The following ATP8B1 variants were observed in gnomAD, a reference collection of about 807,000 sequenced individuals.
ATP8B1 encodes phospholipid-transporting ATPase IC.
Under a neutral mutation model 149.9 loss-of-function variants are expected in ATP8B1, and 80 were observed. The observed-to-expected ratio is 0.53, with a 90% CI of 0.45 to 0.64. ATP8B1 has a LOEUF of 0.64. Among genes scored for constraint, ATP8B1 ranks in the 30% least tolerant of loss-of-function variants. The pLI, the probability that ATP8B1 is intolerant of heterozygous loss-of-function variation, is 0.00. For missense variants in ATP8B1, 1,247 were observed against 1,552.6 expected (o/e 0.80, Z 3.31); for synonymous variants, 536 against 562.8 (o/e 0.95, Z 0.67).
intron 13 of ATP8B1, 54 bp from the exon 14 acceptor site, chr18:57,685,169 C>T (rs1912172993): frequency 3.8e-6 from 6 of 1,587,348 alleles, no homozygotes; most frequent in Non-Finnish European, 5.2e-6. Flanking sequence ...TCCAGAGGCC[C>T]CTCCTTACCT....
intron 1 of ATP8B1, among the ~76,000 whole-genome samples, chr18:57,741,848 C>T (rs1427354406): frequency 6.6e-6 from 1 of 152,168 alleles, no homozygotes; most frequent in Non-Finnish European, 1.5e-5. Flanking sequence ...ATGCCACACC[C>T]TGTTTGGAGT....
chr18:57,667,811 T>G (rs1215195268), intron 19 of ATP8B1, among the ~76,000 whole-genome samples: 1 of 152,070 alleles, frequency 6.6e-6, no homozygotes, highest in East Asian at 1.9e-4. Context: ...CCTTTTAAAT[T>G]ACCACCCAAT....
intron 2 of ATP8B1, among the ~76,000 whole-genome samples, chr18:57,720,849 A>G (rs1434502894): frequency 1.3e-5 from 2 of 151,878 alleles, no homozygotes; most frequent in Non-Finnish European, 2.9e-5. Context: ...CCAGAGAGAA[A>G]GGTTGGGTTA....
intron 22 of ATP8B1, among the ~76,000 whole-genome samples, chr18:57,659,385 A>C (rs1910241117): frequency 6.6e-6 from 1 of 152,142 alleles, no homozygotes; most frequent in Non-Finnish European, 1.5e-5. Context: ...AATCCCTCTC[A>C]TTATGTATTG....
chr18:57,673,663 A>G (rs1388333231), intron 16 of ATP8B1, among the ~76,000 whole-genome samples: 1 of 151,436 alleles, frequency 6.6e-6, no homozygotes, highest in Non-Finnish European at 1.5e-5. Flanking sequence ...AATTACATAT[A>G]TATAATTAGA....
chr18:57,792,590 G>A (rs1323828470), intron 1 of ATP8B1, among the ~76,000 whole-genome samples: 4 of 152,152 alleles, frequency 2.6e-5, no homozygotes, highest in Non-Finnish European at 4.4e-5. Flanking sequence ...CAGGGGCTGC[G>A]GGGACAAGGC....
At position 57,782,602 on chromosome 18, in the gene ATP8B1, C is replaced by A. The variant is rs1279366506; in HGVS notation, c.-26+20396G>T. 2.0e-5 allele frequency among the ~76,000 whole-genome samples: 3 copies of A among 152,072 alleles called. No homozygotes were observed. In the East Asian group the frequency reaches 5.8e-4, roughly 29 times the overall value. On this transcript the variant is annotated intron_variant, in intron 1 of 27. Transcript: ENST00000648908. ...GCTTCCCAGGTGAACTTGAGAATCTCATTTATCAAAAAGTCAAGAATGAAT... is the reference window on the plus strand; with the variant it reads ...GCTTCCCAGGTGAACTTGAGAATCTAATTTATCAAAAAGTCAAGAATGAAT...
At chr18:57,661,640 T>C (rs1410119135) in intron 21 of ATP8B1, among the ~76,000 whole-genome samples, 178 bp from the exon 22 acceptor site, 8 of 126,532 alleles carry the variant, frequency 6.3e-5, no homozygotes, top group Non-Finnish European at 8.7e-5. Context: ...TGTATGTATA[T>C]ACACACGCAC....
intron 6 of ATP8B1, among the ~76,000 whole-genome samples, chr18:57,698,209 C>T (rs1912924048): frequency 6.6e-6 from 1 of 152,194 alleles, no homozygotes; most frequent in African/African-American, 2.4e-5. Context: ...TTCTCAGTGA[C>T]CCATCACTTG....
chr18:57,759,216 T>G (rs2080121877), intron 1 of ATP8B1, among the ~76,000 whole-genome samples: 1 of 150,222 alleles, frequency 6.7e-6, no homozygotes, highest in African/African-American at 2.5e-5. Flanking sequence ...CTTGCTTCCC[T>G]TTCTTTCTCT....
chr18:57,772,479 CAG>C (rs1048887460), intron 1 of ATP8B1, among the ~76,000 whole-genome samples: 1 of 152,052 alleles, frequency 6.6e-6, no homozygotes, highest in South Asian at 2.1e-4. Context: ...TGCGGGTAGA[CAG>C]GGGAGGAAGA....
chr18:57,795,237 A>ATT (rs34409401), intron 1 of ATP8B1, among the ~76,000 whole-genome samples: 14 of 148,430 alleles, frequency 9.4e-5, no homozygotes, highest in Non-Finnish European at 1.3e-4. Flanking sequence ...ACACACACAC[A>ATT]TTTTTTTTTT....
Position 57,652,035 on chromosome 18 carries a change from T to G in ATP8B1, c.3399A>C (p.Thr1133=). ...TTTTTGGAATTTGGAAATACCAACCTGTAAATTGAAATGCAGATGGAAAGA... is the reference window on the plus strand; with the variant it reads ...TTTTTGGAATTTGGAAATACCAACCGGTAAATTGAAATGCAGATGGAAAGA... ...HVLFPSAFQF[T]GTASNALRQP... Residue 1133 remains threonine (T), a splice_region_variant and synonymous_variant, in exon 26 of 28, where the codon ACA becomes ACC. Transcript: ENST00000648908. 1 of 1,613,418 alleles carries G rather than the reference T, an allele frequency of 6.2e-7. No homozygotes were observed. Among genetic ancestry groups the G allele is most frequent in the African/African-American group, 1.3e-5 (1 of 75,048 alleles).
intron 1 of ATP8B1, among the ~76,000 whole-genome samples, chr18:57,787,466 G>A (rs1283265716): frequency 1.3e-5 from 2 of 151,976 alleles, no homozygotes; most frequent in Non-Finnish European, 2.9e-5. Context: ...TGCGGGAGGA[G>A]CTCCATCTAG....
chr18:57,665,132 T>C (rs1367734664), intron 20 of ATP8B1, among the ~76,000 whole-genome samples: 1 of 151,666 alleles, frequency 6.6e-6, no homozygotes, highest in Non-Finnish European at 1.5e-5. Context: ...GGAGAATCAC[T>C]GCACTAGAGG....
chr18:57,682,011 T>A (rs1373476255), intron 15 of ATP8B1, among the ~76,000 whole-genome samples: 1 of 150,430 alleles, frequency 6.6e-6, no homozygotes, highest in Non-Finnish European at 1.5e-5. Context: ...TGTGTTATTT[T>A]TTTTTTTTTT....
intron 12 of ATP8B1, among the ~76,000 whole-genome samples, chr18:57,689,720 G>GA (rs1003985410): frequency 2.6e-5 from 4 of 152,094 alleles, no homozygotes; most frequent in South Asian, 2.1e-4. Context: ...GTTCTCTGCA[G>GA]AAAATCAAAG....
intron 24 of ATP8B1, among the ~76,000 whole-genome samples, chr18:57,653,286 T>TC (rs1381056599): frequency 1.8e-4 from 27 of 146,684 alleles, no homozygotes; most frequent in Non-Finnish European, 3.8e-4. Context: ...TCTTTTCTTT[T>TC]TTTTTTTTTT....
chr18:57,789,039 A>G (rs904540097), intron 1 of ATP8B1, among the ~76,000 whole-genome samples: 5 of 152,186 alleles, frequency 3.3e-5, no homozygotes, highest in Admixed American at 3.3e-4. Flanking sequence ...CAAATTACAA[A>G]TGATTTTGTG....
Sources: gnomAD v4.1 joint callset for allele counts (sites outside exome capture counted in the v4.1 genomes callset) on GRCh38, gnomAD v4.1.1 for gene constraint, MANE v1.5 for transcripts, NCBI Gene and HGNC (gene_info 2026-07-23, HGNC 2026-07-21) for gene names.